Variants in PCCA observed in about 807,000 individuals in gnomAD.
PCCA encodes propionyl-CoA carboxylase alpha chain, mitochondrial.
A neutral mutation model predicts 101.3 loss-of-function variants in PCCA; 74 were observed. The ratio of observed to expected loss-of-function variants is 0.73; its 90% CI spans 0.61 to 0.89. The LOEUF (loss-of-function observed/expected upper bound fraction) is 0.89. Among genes scored for constraint, PCCA ranks in the 40% least tolerant of loss-of-function variants. The pLI, the probability that PCCA is intolerant of heterozygous loss-of-function variation, is 0.00. For missense variants in PCCA, 891 were observed against 907.0 expected (o/e 0.98, Z 0.23); for synonymous variants, 294 against 313.6 (o/e 0.94, Z 0.66).
chr13:100,501,873 C>CAATAAATAAATAAATAAATA lies in PCCA; in HGVS notation c.1900-13543_1900-13524dup, dbSNP rs369191551. ...TGGGCAACAGAGGGACACTCCTTCT[C>CAATAAATAAATAAATAAATA]AATAAATAAATAAATAAATAAATAA... On this transcript the variant is annotated intron_variant, in intron 21 of 23. Transcript: ENST00000376285. Among the ~76,000 whole-genome samples, 645 of 150,274 alleles carry CAATAAATAAATAAATAAATA rather than the reference C, an allele frequency of 4.3e-3. 4 individuals are homozygous for CAATAAATAAATAAATAAATA. The highest frequency in any genetic ancestry group is 0.015 in the African/African-American group (600 of 40,598).
intron 6 of PCCA, among the ~76,000 whole-genome samples, chr13:100,191,886 A>G (rs989833697): frequency 6.6e-6 from 1 of 152,186 alleles, no homozygotes; most frequent in Non-Finnish European, 1.5e-5. Flanking sequence ...TTTTTCCTTC[A>G]TCAGTTACAA....
intron 18 of PCCA, among the ~76,000 whole-genome samples, chr13:100,358,966 G>A (rs1325353163): frequency 6.6e-6 from 1 of 152,040 alleles, no homozygotes; most frequent in African/African-American, 2.4e-5. Flanking sequence ...GTGTGGTGGT[G>A]CACGCCTGTA....
intron 7 of PCCA, among the ~76,000 whole-genome samples, chr13:100,226,817 G>C (rs985016060): frequency 4.6e-5 from 7 of 152,142 alleles, no homozygotes; most frequent in Non-Finnish European, 8.8e-5. Context: ...AGTACCTACT[G>C]TGGGCCAGGT....
intron 19 of PCCA, among the ~76,000 whole-genome samples, chr13:100,387,451 G>A (rs1021050425): frequency 2.6e-5 from 4 of 152,102 alleles, no homozygotes; most frequent in African/African-American, 7.2e-5. Flanking sequence ...AATTTCACTC[G>A]TCCTAAGACA....
intron 4 of PCCA, among the ~76,000 whole-genome samples, chr13:100,125,168 A>C (rs1282899801): frequency 9.5e-6 from 1 of 105,036 alleles, no homozygotes; most frequent in Non-Finnish European, 1.8e-5. Context: ...TGTGTACTTG[A>C]GAATGTTATA....
intron 7 of PCCA, among the ~76,000 whole-genome samples, chr13:100,231,145 C>T (rs903103366): frequency 1.1e-4 from 16 of 152,080 alleles, no homozygotes; most frequent in Non-Finnish European, 2.1e-4. Flanking sequence ...ACATAACATG[C>T]ACCACATAAT....
At chr13:100,256,556 G>A (rs749941851) in intron 8 of PCCA, among the ~76,000 whole-genome samples, 26 of 152,110 alleles carry the variant, frequency 1.7e-4, no homozygotes, top group Non-Finnish European at 2.4e-4. Context: ...ATTATAAAAC[G>A]CTTAGGAAGC....
rs117178249 is a variant in PCCA at position 100,178,017 on chromosome 13, T to C, written c.468+20677T>C. On this transcript the variant is annotated intron_variant, in intron 6 of 23. Coordinates refer to ENST00000376285, the MANE Select transcript of PCCA (RefSeq NM_000282.4). ...CTGAATTGAAGGTGGTTAGGACTTA[T>C]AGCAACATTTCTGGGATGAGTTTTT... Among the ~76,000 whole-genome samples the C allele has an allele frequency of 2.7e-3, 407 of 152,336 alleles. 2 individuals are homozygous for C. The highest frequency in any genetic ancestry group is 4.4e-3 in the Non-Finnish European group (297 of 68,012).
chr13:100,243,563 C>G (rs1479717343), intron 8 of PCCA, among the ~76,000 whole-genome samples: 1 of 152,148 alleles, frequency 6.6e-6, no homozygotes, highest in Non-Finnish European at 1.5e-5. Context: ...TTAGTGACTA[C>G]TAGTCATCAA....
intron 7 of PCCA, among the ~76,000 whole-genome samples, chr13:100,224,897 G>C (rs751862578): frequency 6.6e-6 from 1 of 152,166 alleles, no homozygotes; most frequent in Non-Finnish European, 1.5e-5. Flanking sequence ...GTAGTATGAG[G>C]GGCTGCAGTT....
chr13:100,338,145 G>A (rs941294067), intron 17 of PCCA, among the ~76,000 whole-genome samples: 1 of 152,194 alleles, frequency 6.6e-6, no homozygotes, highest in South Asian at 2.1e-4. Flanking sequence ...CAGTCAGTCT[G>A]CTGGTGAAGT....
At chr13:100,301,027 G>A (rs750799327) in intron 12 of PCCA, among the ~76,000 whole-genome samples, 2 of 152,188 alleles carry the variant, frequency 1.3e-5, no homozygotes, top group East Asian at 1.9e-4. Flanking sequence ...CATGCAAGTG[G>A]GTGAGACTTA....
chr13:100,122,168 G>T (rs1416730378), intron 4 of PCCA, among the ~76,000 whole-genome samples: 1 of 151,982 alleles, frequency 6.6e-6, no homozygotes, highest in Non-Finnish European at 1.5e-5. Flanking sequence ...GATTTTTTTG[G>T]GTGTTAAACC....
intron 17 of PCCA, among the ~76,000 whole-genome samples, chr13:100,333,574 T>C (rs1325124208): frequency 6.6e-6 from 1 of 152,234 alleles, no homozygotes. Context: ...TCTCTTTAGA[T>C]GTGGATGTTG....
chr13:100,433,392 A>C (rs2079694232), intron 20 of PCCA, among the ~76,000 whole-genome samples: 1 of 152,178 alleles, frequency 6.6e-6, no homozygotes, highest in African/African-American at 2.4e-5. Flanking sequence ...AAGAAAAAGC[A>C]TTCCGAATAC....
chr13:100,513,775 G>A (rs2086641362), intron 21 of PCCA, among the ~76,000 whole-genome samples: 1 of 152,234 alleles, frequency 6.6e-6, no homozygotes, highest in South Asian at 2.1e-4. Flanking sequence ...ACTGAAAACT[G>A]AACAAGGCAC....
intron 8 of PCCA, among the ~76,000 whole-genome samples, chr13:100,242,332 A>G (rs1055098147): frequency 2.0e-5 from 3 of 152,220 alleles, no homozygotes; most frequent in Non-Finnish European, 2.9e-5. Flanking sequence ...AGGGCATTTT[A>G]TATTGATTAA....
intron 4 of PCCA, among the ~76,000 whole-genome samples, chr13:100,133,171 T>G (rs1381646111): frequency 6.6e-6 from 1 of 152,214 alleles, no homozygotes; most frequent in Non-Finnish European, 1.5e-5. Context: ...GACCTTCTTC[T>G]CATGTGCTTA....
chr13:100,449,663 GT>G (rs1199567426), intron 21 of PCCA, among the ~76,000 whole-genome samples: 1 of 151,964 alleles, frequency 6.6e-6, no homozygotes, highest in African/African-American at 2.4e-5. Context: ...ATTTTTGTGT[GT>G]TTTTTTCTAA....
Sources: gnomAD v4.1 joint callset for allele counts (sites outside exome capture counted in the v4.1 genomes callset) on GRCh38, gnomAD v4.1.1 for gene constraint, MANE v1.5 for transcripts, NCBI Gene and HGNC (gene_info 2026-07-23, HGNC 2026-07-21) for gene names.